The following GPM6A variants were observed in gnomAD, a reference collection of about 807,000 sequenced individuals.
GPM6A encodes glycoprotein M6A.
GPM6A carries 7 observed loss-of-function variants against 32.1 expected under a neutral mutation model. The ratio of observed to expected loss-of-function variants is 0.22; its 90% confidence interval spans 0.12 to 0.41. GPM6A has a LOEUF of 0.41. Ranked by LOEUF, GPM6A falls within the 10% of genes least tolerant of loss-of-function variation. The probability of loss-of-function intolerance (pLI) is 1.00; values close to 1 mark genes in which losing one functional copy is unlikely to be tolerated. For missense variants in GPM6A, 235 were observed against 347.2 expected, an observed-to-expected ratio of 0.68 and a Z score of 2.57; for synonymous variants, 130 against 123.4, an observed-to-expected ratio of 1.05 and a Z score of -0.35.
intron 3 of GPM6A, among the ~76,000 whole-genome samples, chr4:175,670,704 T>G (rs1743007754): frequency 6.6e-6 from 1 of 152,164 alleles, no homozygotes; most frequent in Admixed American, 6.5e-5. Flanking sequence ...GGATTTTGAA[T>G]GACAGATAGC....
chr4:175,758,110 T>C (rs1732601189), intron 1 of GPM6A, among the ~76,000 whole-genome samples: 1 of 152,118 alleles, frequency 6.6e-6, no homozygotes, highest in Non-Finnish European at 1.5e-5. Context: ...CAGGGAGTGA[T>C]CCAAAGTAAC....
intron 1 of GPM6A, among the ~76,000 whole-genome samples, chr4:175,776,097 A>AT (rs1000850801): frequency 6.6e-6 from 1 of 152,164 alleles, no homozygotes; most frequent in Admixed American, 6.5e-5. Context: ...TTGAAACCAG[A>AT]TTTTTTTAAA....
At chr4:175,824,028 A>G (rs1270015145) in intron 1 of GPM6A, among the ~76,000 whole-genome samples, 1 of 152,212 alleles carries the variant, frequency 6.6e-6, no homozygotes, top group East Asian at 1.9e-4. Context: ...AGAGTTTGTC[A>G]GTTCTGAGCA....
chr4:175,876,656 T>G (rs548377755), intron 1 of GPM6A, among the ~76,000 whole-genome samples: 1 of 152,294 alleles, frequency 6.6e-6, no homozygotes, highest in East Asian at 1.9e-4. Flanking sequence ...TGAAAGGGTA[T>G]GCTTTAACAT....
At chr4:175,762,379 TTTCA>T (rs1258109185) in intron 1 of GPM6A, among the ~76,000 whole-genome samples, 5 of 152,214 alleles carry the variant, frequency 3.3e-5, no homozygotes, top group Non-Finnish European at 7.3e-5. Flanking sequence ...TTATTTATTC[TTTCA>T]TTCATTCACC....
At chr4:175,871,326 C>T (rs1382307232) in intron 1 of GPM6A, among the ~76,000 whole-genome samples, 6 of 151,860 alleles carry the variant, frequency 4.0e-5, no homozygotes, top group South Asian at 2.1e-4. Context: ...AAAAATTAGC[C>T]GGATGTGGTA....
chr4:175,963,438 G>A (rs963182669), intron 1 of GPM6A, among the ~76,000 whole-genome samples: 7 of 152,046 alleles, frequency 4.6e-5, no homozygotes, highest in Admixed American at 2.6e-4. Context: ...CCTACCCAGA[G>A]AGAAGTAAAA....
chr4:175,832,720 A>G (rs1021528285), intron 1 of GPM6A, among the ~76,000 whole-genome samples: 3 of 152,208 alleles, frequency 2.0e-5, no homozygotes, highest in African/African-American at 7.2e-5. Flanking sequence ...CAAGATTTCT[A>G]TTCTACTCAC....
At chr4:175,687,340 C>T (rs1037393856) in intron 2 of GPM6A, among the ~76,000 whole-genome samples, 1 of 152,104 alleles carries the variant, frequency 6.6e-6, no homozygotes, top group Non-Finnish European at 1.5e-5. Flanking sequence ...ATTCCCCAGG[C>T]CACAGCCCTG....
At chr4:175,807,780 G>A (rs1219098293) in intron 1 of GPM6A, among the ~76,000 whole-genome samples, 1 of 152,188 alleles carries the variant, frequency 6.6e-6, no homozygotes, top group African/African-American at 2.4e-5. Context: ...GCAGTCCTTC[G>A]AAGGAGTGTG....
chr4:175,925,013 A>T (rs1024887976), intron 1 of GPM6A, among the ~76,000 whole-genome samples: 1 of 152,192 alleles, frequency 6.6e-6, no homozygotes, highest in African/African-American at 2.4e-5. Flanking sequence ...TATTAATACC[A>T]CACTTCCATT....
In GPM6A at chr4:175,640,750, C is replaced by T; in HGVS notation, c.618+3G>A. The T allele has an allele frequency of 1.3e-6, 2 of 1,591,148 alleles. No homozygotes were observed. Among genetic ancestry groups the T allele is most frequent in the South Asian group, 2.2e-5 (2 of 90,444 alleles). On this transcript the variant is annotated splice_donor_region_variant and intron_variant, in intron 5 of 6. Transcript: ENST00000393658. ...CAAAATTAAAGGCTGTAAAAACACT[C>T]ACCTCAGTAGATTCGCACATCCTCA...
At chr4:175,741,376 C>A (rs913165906) in intron 1 of GPM6A, among the ~76,000 whole-genome samples, 3 of 152,026 alleles carry the variant, frequency 2.0e-5, no homozygotes, top group African/African-American at 7.2e-5. Context: ...TTTATTATAG[C>A]CACAAAACTG....
intron 1 of GPM6A, among the ~76,000 whole-genome samples, chr4:175,955,389 C>T (rs1252828643): frequency 6.6e-6 from 1 of 152,188 alleles, no homozygotes; most frequent in Non-Finnish European, 1.5e-5. Flanking sequence ...AACCAGGAAA[C>T]TCACATTTAA....
At chr4:175,775,873 T>C (rs1434277733) in intron 1 of GPM6A, among the ~76,000 whole-genome samples, 2 of 152,084 alleles carry the variant, frequency 1.3e-5, no homozygotes, top group African/African-American at 4.8e-5. Flanking sequence ...TTATAATCTA[T>C]AAATCAGCCC....
In GPM6A at chr4:175,864,683, T is replaced by C. The variant is rs73010134; in HGVS notation, c.-22-52434A>G. ...TATATTTTGTTTTATAGTTTGTGTC[T>C]TTGTGGGGGCATACTATTCATGTAA... On this transcript the variant is annotated intron_variant, in intron 1 of 7. Transcript: ENST00000280187. 3.6e-3 allele frequency among the ~76,000 whole-genome samples: 553 copies of C among 152,306 alleles called. 3 individuals carry two copies. The highest frequency in any genetic ancestry group is 0.013 in the African/African-American group (523 of 41,576).
At chr4:175,999,489 G>C (rs892712141) in intron 1 of GPM6A, among the ~76,000 whole-genome samples, 3 of 151,826 alleles carry the variant, frequency 2.0e-5, no homozygotes, top group Non-Finnish European at 4.4e-5. Context: ...AAAAGGAAGA[G>C]ATGCCAAAAT....
chr4:175,801,593 G>A (rs1579517247), intron 1 of GPM6A, among the ~76,000 whole-genome samples: 1 of 152,058 alleles, frequency 6.6e-6, no homozygotes, highest in African/African-American at 2.4e-5. Context: ...GAAATGACCA[G>A]TGGATATGAT....
At chr4:175,838,092 CACACACACACACACACACAG>C (rs751718188) in intron 1 of GPM6A, among the ~76,000 whole-genome samples, 2,031 of 77,970 alleles carry the variant, frequency 0.026, 15 homozygotes, top group Non-Finnish European at 0.036. Context: ...TTGGTTAAAA[CACACACACACACACACACAG>C]ACACACACAC....
Sources: allele counts gnomAD v4.1 joint callset (sites outside exome capture counted in the v4.1 genomes callset), GRCh38; gene constraint gnomAD v4.1.1; transcripts MANE v1.5; gene names NCBI Gene and HGNC (gene_info 2026-07-23, HGNC 2026-07-21).